The following MYO1D variants were observed in gnomAD, a reference collection of about 807,000 sequenced individuals.
MYO1D encodes the protein myosin ID.
A neutral mutation model predicts 122.0 loss-of-function variants in MYO1D; 83 were observed. That is an observed-to-expected ratio of 0.68 (90% CI 0.57 to 0.82). MYO1D has a LOEUF of 0.82. MYO1D is among the 40% of genes least tolerant of loss of function. MYO1D has a pLI of 0.00. For synonymous variants in MYO1D, 464 were observed against 446.9 expected, an observed-to-expected ratio of 1.04 and a Z score of -0.48; for missense variants, 1,157 against 1,269.5, an observed-to-expected ratio of 0.91 and a Z score of 1.35.
Position 32,767,675 on chromosome 17 carries a change from G to C in MYO1D, c.792C>G (p.Ile264Met), listed in dbSNP as rs760545115. The C allele has an allele frequency of 1.2e-6, 2 of 1,613,710 alleles. No homozygotes were observed. Among genetic ancestry groups the C allele is most frequent in the Admixed American group, 1.7e-5 (1 of 60,014 alleles). ...MKVIGFKPEE[I>M]QTVYKILAAI... ...CAGCCAAAATCTTATACACTGTTTG[G>C]ATCTCCTCAGGTTTGAAGCCAATGA... Residue 264 changes from isoleucine (I) to methionine (M), a missense_variant, in exon 7 of 22, where the codon ATC (isoleucine) becomes ATG (methionine). Physicochemically the swap from Ile to Met is conservative, Grantham distance 10. Coordinates refer to ENST00000318217, the MANE Select transcript of MYO1D (RefSeq NM_015194.3).
At chr17:32,760,723 C>T (rs1450025598) in intron 8 of MYO1D, 96 bp from the exon 9 acceptor site, 5 of 1,315,898 alleles carry the variant, frequency 3.8e-6, no homozygotes, top group African/African-American at 1.5e-5. Flanking sequence ...CACCTTCTCA[C>T]TGTTTAGCAT....
At chr17:32,559,221 A>G (rs1003919960) in intron 21 of MYO1D, among the ~76,000 whole-genome samples, 1 of 152,240 alleles carries the variant, frequency 6.6e-6, no homozygotes, top group Non-Finnish European at 1.5e-5. Flanking sequence ...TTTGTAATCC[A>G]TATACAATAG....
intron 16 of MYO1D, among the ~76,000 whole-genome samples, chr17:32,687,128 A>ACC (rs201920676): frequency 9.4e-5 from 14 of 149,164 alleles, no homozygotes; most frequent in Non-Finnish European, 1.9e-4. Context: ...TTTCCCCCTT[A>ACC]CCCCCCGCCC....
chr17:32,687,126 T>C (rs1053819364), intron 16 of MYO1D, among the ~76,000 whole-genome samples: 2 of 151,652 alleles, frequency 1.3e-5, no homozygotes, highest in Non-Finnish European at 2.9e-5. Context: ...TATTTCCCCC[T>C]TACCCCCCGC....
intron 1 of MYO1D, among the ~76,000 whole-genome samples, chr17:32,832,305 T>G (rs1444718008): frequency 1.3e-5 from 2 of 151,302 alleles, no homozygotes; most frequent in Non-Finnish European, 2.9e-5. Context: ...TTTTTTTTTT[T>G]TTGTATTTTT....
intron 21 of MYO1D, among the ~76,000 whole-genome samples, chr17:32,534,557 A>G (rs926417687): frequency 5.9e-5 from 9 of 152,228 alleles, no homozygotes; most frequent in African/African-American, 2.2e-4. Context: ...CTATTTCTCA[A>G]GGAGGAATGT....
intron 1 of MYO1D, among the ~76,000 whole-genome samples, chr17:32,807,376 C>T (rs1479033611): frequency 1.3e-5 from 2 of 151,836 alleles, no homozygotes; most frequent in Admixed American, 1.3e-4. Flanking sequence ...ATATTTAAAA[C>T]AAAATTATAT....
chr17:32,872,177 C>T (rs1469062431), intron 1 of MYO1D, among the ~76,000 whole-genome samples: 1 of 152,160 alleles, frequency 6.6e-6, no homozygotes, highest in Non-Finnish European at 1.5e-5. Flanking sequence ...AAGAAGGAGC[C>T]CTCACAATAC....
chr17:32,571,013 G>C (rs750265610), intron 21 of MYO1D, among the ~76,000 whole-genome samples: 5 of 152,172 alleles, frequency 3.3e-5, no homozygotes, highest in Non-Finnish European at 7.3e-5. Flanking sequence ...AAAAGTGCTG[G>C]AGGGGGAGTG....
intron 21 of MYO1D, among the ~76,000 whole-genome samples, chr17:32,515,548 T>TC (rs1196565168): frequency 6.6e-6 from 1 of 152,144 alleles, no homozygotes; most frequent in African/African-American, 2.4e-5. Context: ...TGCCTCAGCC[T>TC]CCCAAAGTGT....
At position 32,659,214 on chromosome 17, in the gene MYO1D, C is replaced by A. The variant is rs199880513; in HGVS notation, c.2246G>T (p.Gly749Val). The change falls in exon 17 of 22, where the codon GGC becomes GTC. Residue 749 changes from glycine (G) to valine (V), a missense_variant. Coordinates refer to ENST00000318217, the MANE Select transcript of MYO1D (RefSeq NM_015194.3). Reference protein sequence around the residue: ...YIHEVARRFHGVKTMRDYGKH... With the variant: ...YIHEVARRFHVVKTMRDYGKH... ...CCCGTAGTCTCGCATGGTCTTGACGCCATGGAAGCGTCTGGCCACCTCGTG... is the reference window on the plus strand; with the variant it reads ...CCCGTAGTCTCGCATGGTCTTGACGACATGGAAGCGTCTGGCCACCTCGTG... 1.2e-5 allele frequency: 20 copies of A among 1,614,102 alleles called. No homozygotes were observed. The highest frequency in any genetic ancestry group is 1.7e-5 in the Non-Finnish European group (20 of 1,180,048).
chr17:32,700,548 T>C (rs1022903545), intron 16 of MYO1D, among the ~76,000 whole-genome samples: 3 of 152,198 alleles, frequency 2.0e-5, no homozygotes, highest in Non-Finnish European at 4.4e-5. Flanking sequence ...CTGAACGAAG[T>C]GTTCAACTCC....
chr17:32,574,958 A>G (rs150772289), intron 21 of MYO1D, among the ~76,000 whole-genome samples: 59 of 152,320 alleles, frequency 3.9e-4, no homozygotes, highest in African/African-American at 1.4e-3. Flanking sequence ...GAGGATAAAT[A>G]TGTCTACCTT....
At chr17:32,860,540 C>T (rs937669791) in intron 1 of MYO1D, among the ~76,000 whole-genome samples, 3 of 152,162 alleles carry the variant, frequency 2.0e-5, no homozygotes, top group African/African-American at 4.8e-5. Flanking sequence ...TAAATTGTTG[C>T]CCTTCAATAG....
At position 32,732,078 on chromosome 17, in the gene MYO1D, G is replaced by A. The variant is rs886381309; in HGVS notation, c.1746+6175C>T. On this transcript the variant is annotated intron_variant, in intron 14 of 21. Transcript: ENST00000318217. ...GGCAGTGCTGATATGCCAGCCCCCT[G>A]CTACCTTGGCCCCCTTCAGACTTTG... Among the ~76,000 whole-genome samples, 28 of 152,340 alleles carry A rather than the reference G, an allele frequency of 1.8e-4. No homozygotes were observed. In the Middle Eastern group the frequency reaches 0.01, roughly 56 times the overall value.
intron 19 of MYO1D, among the ~76,000 whole-genome samples, chr17:32,641,444 T>C (rs2088199374): frequency 6.6e-6 from 1 of 152,210 alleles, no homozygotes; most frequent in Non-Finnish European, 1.5e-5. Context: ...CCTTAGCATA[T>C]ACCCAGTAAT....
chr17:32,834,819 G>A (rs1308638592), intron 1 of MYO1D, among the ~76,000 whole-genome samples: 6 of 152,130 alleles, frequency 3.9e-5, no homozygotes, highest in Admixed American at 6.5e-5. Context: ...CAAGACCATC[G>A]TGGCCAACAT....
At position 32,494,992 on chromosome 17, in the gene MYO1D, C is replaced by T. The variant is rs1201348130; in HGVS notation, c.2865-77G>A. ...GGGCACCTGCCCGGCAGCTCCCGGC[C>T]ACCATTGGCTCCGGCGCAGCCTGCT... is the stretch of plus-strand genomic sequence containing the variant. On this transcript the variant is annotated intron_variant, in intron 21 of 21. Coordinates refer to ENST00000318217, the MANE Select transcript of MYO1D (RefSeq NM_015194.3). The T allele has an allele frequency of 2.1e-6, 3 of 1,456,010 alleles. No individual in the cohort carries two copies. In the African/African-American group the frequency reaches 4.3e-5, roughly 21 times the overall value. The allele number at this position is 1,456,010 out of a possible 1,614,324, so 90.2% of individuals were successfully genotyped here.
chr17:32,573,502 G>C (rs957420419), intron 21 of MYO1D, among the ~76,000 whole-genome samples: 14 of 151,880 alleles, frequency 9.2e-5, no homozygotes, highest in African/African-American at 3.4e-4. Context: ...TGTGTGAAAG[G>C]CTCTGACTGT....
Sources: allele counts gnomAD v4.1 joint callset (sites outside exome capture counted in the v4.1 genomes callset), GRCh38; gene constraint gnomAD v4.1.1; transcripts MANE v1.5; gene names NCBI Gene and HGNC (gene_info 2026-07-23, HGNC 2026-07-21).